Variants in PKNOX2 observed in about 807,000 individuals in gnomAD.
The protein encoded by PKNOX2 is PBX/knotted 1 homeobox 2.
A neutral mutation model predicts 53.1 loss-of-function variants in PKNOX2; 14 were observed. The ratio of observed to expected loss-of-function variants is 0.26; its 90% CI spans 0.17 to 0.41. The LOEUF is 0.41. Among genes scored for constraint, PKNOX2 ranks in the 10% least tolerant of loss-of-function variants. PKNOX2 has a pLI of 1.00. For synonymous variants in PKNOX2, 257 were observed against 242.8 expected, an observed-to-expected ratio of 1.06 and a Z score of -0.54; for missense variants, 496 against 602.8, an observed-to-expected ratio of 0.82 and a Z score of 1.85.
rs58968290 is a variant in PKNOX2, at chr11:125,189,447, GTATATATATATATATATATATATA to G, written c.-201+24692_-201+24715del. 3.5e-3 allele frequency among the ~76,000 whole-genome samples: 83 copies of G among 23,466 alleles called. 3 individuals are homozygous for G. The highest frequency in any genetic ancestry group is 4.5e-3 in the Non-Finnish European group (53 of 11,714). The allele number at this position is 23,466 out of a possible 152,430, so 15.4% of individuals were successfully genotyped here. A position where few individuals can be genotyped will look rare whatever the true frequency, so the allele number is the denominator to read the frequency against. On this transcript the variant is annotated intron_variant, in intron 1 of 12. Coordinates refer to ENST00000298282, the MANE Select transcript of PKNOX2 (RefSeq NM_001382323.2). ...TGTGTGTGTGTGTGTGTGTGTGTGT[GTATATATATATATATATATATATA>G]TATATATATATATATATATACAAAA...
chr11:125,341,943 C>G (rs1950710656), intron 3 of PKNOX2, among the ~76,000 whole-genome samples: 1 of 152,190 alleles, frequency 6.6e-6, no homozygotes, highest in South Asian at 2.1e-4. Context: ...GTGGTGAGGA[C>G]CAAGGGTGGG....
chr11:125,178,048 A>G (rs1955830453), intron 1 of PKNOX2, among the ~76,000 whole-genome samples: 1 of 152,222 alleles, frequency 6.6e-6, no homozygotes, highest in African/African-American at 2.4e-5. Flanking sequence ...GATTTTATAA[A>G]TTTAGAAGCA....
intron 10 of PKNOX2, among the ~76,000 whole-genome samples, chr11:125,420,325 A>G (rs554333683): frequency 3.9e-5 from 6 of 151,908 alleles, no homozygotes; most frequent in African/African-American, 1.2e-4. Flanking sequence ...CAGGAGATCG[A>G]GACCATCCTG....
intron 2 of PKNOX2, among the ~76,000 whole-genome samples, chr11:125,276,650 G>A (rs1946181329): frequency 6.6e-6 from 1 of 152,158 alleles, no homozygotes; most frequent in South Asian, 2.1e-4. Context: ...ATACTGCAAG[G>A]TCATCAACTG....
intron 4 of PKNOX2, among the ~76,000 whole-genome samples, chr11:125,357,599 T>TG (rs34588501): frequency 0.045 from 6,827 of 152,184 alleles, 511 homozygotes; most frequent in African/African-American, 0.15. Context: ...GCAGCGGGTC[T>TG]GGGGAGGACC....
At chr11:125,222,760 T>C (rs1360462393) in intron 1 of PKNOX2, among the ~76,000 whole-genome samples, 1 of 150,722 alleles carries the variant, frequency 6.6e-6, no homozygotes, top group African/African-American at 2.4e-5. Flanking sequence ...TGCCTGTGTA[T>C]GTGTGTATGT....
chr11:125,231,752 A>G (rs1942227789), intron 1 of PKNOX2, among the ~76,000 whole-genome samples: 1 of 152,192 alleles, frequency 6.6e-6, no homozygotes, highest in East Asian at 1.9e-4. Flanking sequence ...AGAGAGAGAG[A>G]AAATGATGCT....
chr11:125,379,521 G>A (rs866737561), intron 5 of PKNOX2, among the ~76,000 whole-genome samples: 5 of 152,186 alleles, frequency 3.3e-5, no homozygotes, highest in African/African-American at 7.2e-5. Flanking sequence ...CTGTCAGCCC[G>A]ATTTATGTTA....
intron 4 of PKNOX2, among the ~76,000 whole-genome samples, chr11:125,363,945 A>C (rs2136258526): frequency 6.6e-6 from 1 of 152,340 alleles, no homozygotes; most frequent in Non-Finnish European, 1.5e-5. Context: ...TCAAGCTCTC[A>C]ATGTGATGTC....
intron 1 of PKNOX2, among the ~76,000 whole-genome samples, chr11:125,226,105 A>T (rs1288949448): frequency 6.6e-6 from 1 of 152,200 alleles, no homozygotes; most frequent in Non-Finnish European, 1.5e-5. Context: ...AAGACACGTA[A>T]TATTAACTTT....
chr11:125,319,357 G>C (rs1304810993), intron 2 of PKNOX2, among the ~76,000 whole-genome samples: 1 of 152,182 alleles, frequency 6.6e-6, no homozygotes, highest in Non-Finnish European at 1.5e-5. Flanking sequence ...AATATTGTGA[G>C]AATTACCAAA....
intron 3 of PKNOX2, among the ~76,000 whole-genome samples, chr11:125,345,708 T>C (rs1950936041): frequency 6.6e-6 from 1 of 152,140 alleles, no homozygotes. Context: ...CAACACTTTT[T>C]TTTTCCAGGC....
chr11:125,174,534 G>A (rs1955560805), intron 1 of PKNOX2, among the ~76,000 whole-genome samples: 1 of 152,150 alleles, frequency 6.6e-6, no homozygotes, highest in African/African-American at 2.4e-5. Flanking sequence ...GGCTGTACAT[G>A]CGAGGTCCAT....
chr11:125,232,486 A>G (rs1174873359), intron 1 of PKNOX2, among the ~76,000 whole-genome samples: 1 of 152,258 alleles, frequency 6.6e-6, no homozygotes, highest in East Asian at 1.9e-4. Context: ...GCACAGGGGC[A>G]TTAAGTAACT....
At chr11:125,387,513 T>A (rs1485807782) in intron 6 of PKNOX2, among the ~76,000 whole-genome samples, 1 of 152,060 alleles carries the variant, frequency 6.6e-6, no homozygotes, top group Non-Finnish European at 1.5e-5. Context: ...AGGTGGCCAC[T>A]TCCATGCTCT....
Position 125,200,396 on chromosome 11 carries a change from C to A in PKNOX2, c.-200-34649C>A, listed in dbSNP as rs142953094. ...GCAGCAGAATTCACCAAGTTTCTGCCGTCAAAAACCTGGGCACTGGCTTTG... is the reference window on the plus strand; with the variant it reads ...GCAGCAGAATTCACCAAGTTTCTGCAGTCAAAAACCTGGGCACTGGCTTTG... On this transcript the variant is annotated intron_variant, in intron 1 of 12. Coordinates refer to ENST00000298282, the MANE Select transcript of PKNOX2 (RefSeq NM_001382323.2). Among the ~76,000 whole-genome samples the A allele has an allele frequency of 2.9e-3, 443 of 152,272 alleles. 4 individuals are homozygous for A. The highest frequency in any genetic ancestry group is 0.01 in the African/African-American group (426 of 41,560).
At chr11:125,220,517 C>T (rs566734134) in intron 1 of PKNOX2, among the ~76,000 whole-genome samples, 1 of 152,166 alleles carries the variant, frequency 6.6e-6, no homozygotes, top group South Asian at 2.1e-4. Context: ...TGGCTCCAGA[C>T]ATGGGTACCT....
chr11:125,167,190 G>A (rs1396524390), intron 1 of PKNOX2, among the ~76,000 whole-genome samples: 1 of 150,196 alleles, frequency 6.7e-6, no homozygotes, highest in Non-Finnish European at 1.5e-5. Flanking sequence ...AAGAGTGTGT[G>A]TGGGGGGTGG....
intron 2 of PKNOX2, among the ~76,000 whole-genome samples, chr11:125,313,599 A>C (rs1299281218): frequency 2.0e-5 from 3 of 152,178 alleles, no homozygotes; most frequent in Non-Finnish European, 4.4e-5. Context: ...CTGGAAAAGC[A>C]CATGTACCCA....
Sources: allele counts gnomAD v4.1 joint callset (sites outside exome capture counted in the v4.1 genomes callset), GRCh38; gene constraint gnomAD v4.1.1; transcripts MANE v1.5; gene names NCBI Gene and HGNC (gene_info 2026-07-23, HGNC 2026-07-21).